Variants in MGAT5 observed in about 807,000 individuals in gnomAD.
MGAT5 encodes the protein alpha-1,6-mannosylglycoprotein 6-beta-N-acetylglucosaminyltransferase A.
A neutral mutation model predicts 94.3 loss-of-function variants in MGAT5; 30 were observed. The observed-to-expected ratio is 0.32, with a 90% CI of 0.24 to 0.43. MGAT5 has a LOEUF of 0.43. Among genes scored for constraint, MGAT5 ranks in the 20% least tolerant of loss-of-function variants. The pLI, the probability that MGAT5 is intolerant of heterozygous loss-of-function variation, is 1.00. For synonymous variants in MGAT5, 310 were observed against 322.9 expected (o/e 0.96, Z 0.43); for missense variants, 691 against 905.5 (o/e 0.76, Z 3.04).
chr2:134,252,613 T>C (rs1352599991), upstream of MGAT5, among the ~76,000 whole-genome samples: 1 of 152,210 alleles, frequency 6.6e-6, no homozygotes, highest in Non-Finnish European at 1.5e-5. Flanking sequence ...CTGGTGATGC[T>C]GCTGTTACTG....
chr2:134,141,943 G>C (rs1558953559), intron 1 of MGAT5, among the ~76,000 whole-genome samples: 1 of 152,196 alleles, frequency 6.6e-6, no homozygotes, highest in Non-Finnish European at 1.5e-5. Context: ...TTTTCAGATG[G>C]TCTGTTCTGC....
At chr2:134,242,005 C>G (rs1682000104) in intron 1 of MGAT5, among the ~76,000 whole-genome samples, 2 of 152,342 alleles carry the variant, frequency 1.3e-5, no homozygotes, top group South Asian at 2.1e-4. Flanking sequence ...TTGAAATACT[C>G]TTATGCAGAA....
chr2:134,146,515 G>A (rs1315143579), intron 1 of MGAT5, among the ~76,000 whole-genome samples: 1 of 151,740 alleles, frequency 6.6e-6, no homozygotes, highest in African/African-American at 2.4e-5. Context: ...AGCTATGATA[G>A]CACCACTGCA....
At chr2:134,223,026 A>C (rs1680868172) in intron 1 of MGAT5, among the ~76,000 whole-genome samples, 1 of 152,120 alleles carries the variant, frequency 6.6e-6, no homozygotes, top group Non-Finnish European at 1.5e-5. Context: ...TATCTTCACA[A>C]CTTATAATTG....
intron 1 of MGAT5, among the ~76,000 whole-genome samples, chr2:134,169,610 G>A (rs968517873): frequency 6.6e-6 from 1 of 152,126 alleles, no homozygotes; most frequent in African/African-American, 2.4e-5. Context: ...ATGCTGTGGT[G>A]GTATACAGCA....
At chr2:134,215,803 G>A (rs1440849119) in intron 1 of MGAT5, among the ~76,000 whole-genome samples, 1 of 152,176 alleles carries the variant, frequency 6.6e-6, no homozygotes, top group Admixed American at 6.5e-5. Context: ...CTAAGCAGTT[G>A]TATCAATATA....
At chr2:134,366,719 C>T (rs555725850) in intron 10 of MGAT5, among the ~76,000 whole-genome samples, 1 of 152,208 alleles carries the variant, frequency 6.6e-6, no homozygotes, top group Non-Finnish European at 1.5e-5. Flanking sequence ...GACTCTTTCT[C>T]ACAAGCATCC....
At chr2:134,371,925 TTTG>T (rs959881264) in intron 10 of MGAT5, among the ~76,000 whole-genome samples, 1 of 146,330 alleles carries the variant, frequency 6.8e-6, no homozygotes, top group Non-Finnish European at 1.5e-5. Flanking sequence ...TAGGTCTGTG[TTTG>T]TTGTTTTGTT....
rs1173053561 is a variant in MGAT5 at position 134,268,245 on chromosome 2, A to G, written c.242-2141A>G. Among the ~76,000 whole-genome samples, 2 of 152,232 alleles carry G rather than the reference A, an allele frequency of 1.3e-5. No homozygotes were observed. The highest frequency in any genetic ancestry group is 1.5e-5 in the Non-Finnish European group (1 of 68,036). ...TTGGCCAACTACAATTACCGGTGAT[A>G]GTTAAATGCTATTCTAGATTGTATT... On this transcript the variant is annotated intron_variant, in intron 1 of 15. Transcript: ENST00000281923. This position sits in a 1 kb window ranked among gnomAD's most constrained non-coding sequence, Gnocchi z 4.1.
At chr2:134,260,216 G>A (rs12612248) in intron 1 of MGAT5, among the ~76,000 whole-genome samples, 2,836 of 152,308 alleles carry the variant, frequency 0.019, 65 homozygotes, top group East Asian at 0.099. Context: ...CAATATGGAT[G>A]TTCTTATGCA....
At chr2:134,232,198 G>T (rs1681405372) in intron 1 of MGAT5, among the ~76,000 whole-genome samples, 1 of 152,108 alleles carries the variant, frequency 6.6e-6, no homozygotes, top group Non-Finnish European at 1.5e-5. Flanking sequence ...TGACTGGACT[G>T]CCACTACCCT....
chr2:134,191,857 G>A (rs541584518), intron 1 of MGAT5, among the ~76,000 whole-genome samples: 2 of 148,878 alleles, frequency 1.3e-5, no homozygotes, highest in African/African-American at 2.5e-5. Context: ...CCTCCTGCTC[G>A]CGCCAGCGGC....
chr2:134,183,684 C>T (rs77125795), intron 1 of MGAT5, among the ~76,000 whole-genome samples: 1 of 152,326 alleles, frequency 6.6e-6, no homozygotes, highest in East Asian at 1.9e-4. Context: ...TAATGTGGAA[C>T]TGTTAAATTC....
At position 134,248,881 on chromosome 2, in the gene MGAT5, T is replaced by A. The variant is rs1371155577; in HGVS notation, c.-142-5381T>A. Among the ~76,000 whole-genome samples, 3 of 152,142 alleles carry A rather than the reference T, an allele frequency of 2.0e-5. No homozygotes were observed. The East Asian group carries it at 5.8e-4, about 29-fold the overall frequency. ...TTGGATGGCCACCTGGAGGAACTGCTTCATTGGTCTCGTTCTCACTCCATT... is the reference window on the plus strand; with the variant it reads ...TTGGATGGCCACCTGGAGGAACTGCATCATTGGTCTCGTTCTCACTCCATT... On this transcript the variant is annotated intron_variant, in intron 1 of 16. Coordinates refer to the MGAT5 transcript ENST00000409645.
intron 1 of MGAT5, among the ~76,000 whole-genome samples, chr2:134,196,251 T>C (rs1679489498): frequency 6.6e-6 from 1 of 152,218 alleles, no homozygotes; most frequent in South Asian, 2.1e-4. Context: ...TGGATATGCC[T>C]GTGCTTGGGA....
At position 134,338,288 on chromosome 2, in the gene MGAT5, C is replaced by G. The variant is rs142313139; in HGVS notation, c.675C>G (p.Leu225=). 6.2e-7 allele frequency: 1 copy of G among 1,611,998 alleles called. No individual in the cohort carries two copies. Among genetic ancestry groups the G allele is most frequent in the Non-Finnish European group, 8.5e-7 (1 of 1,179,050 alleles). Residue 225 remains leucine, a synonymous_variant, in exon 6 of 16, where the codon CTC becomes CTG. Coordinates refer to ENST00000281923, the MANE Select transcript of MGAT5 (RefSeq NM_002410.5). The part of the protein sequence containing the change: ...LAEIRTDFNI[L]YSMMKKHEEF... ...AAATTCGTACAGATTTTAATATTCT[C>G]TACAGTATGATGAAAAAGCATGAAG...
chr2:134,266,612 A>G (rs1422652180), intron 1 of MGAT5, among the ~76,000 whole-genome samples: 1 of 152,248 alleles, frequency 6.6e-6, no homozygotes, highest in Non-Finnish European at 1.5e-5. Flanking sequence ...ATTGCCCGGA[A>G]AGGTATAATT....
At chr2:134,146,830 T>C (rs1686943997) in intron 1 of MGAT5, among the ~76,000 whole-genome samples, 1 of 152,186 alleles carries the variant, frequency 6.6e-6, no homozygotes, top group African/African-American at 2.4e-5. Flanking sequence ...TGCCATTCTC[T>C]TCTGCATTTC....
At chr2:134,330,602 T>C (rs1687913782) in intron 4 of MGAT5, among the ~76,000 whole-genome samples, 1 of 145,726 alleles carries the variant, frequency 6.9e-6, no homozygotes, top group African/African-American at 2.7e-5. Context: ...CCCAACATAT[T>C]CTAAGCCTTC....
Sources: gnomAD v4.1 joint callset for allele counts (sites outside exome capture counted in the v4.1 genomes callset) on GRCh38, gnomAD v4.1.1 for gene constraint, Gnocchi (gnomAD v3.1) non-coding constraint, MANE v1.5 for transcripts, NCBI Gene and HGNC (gene_info 2026-07-23, HGNC 2026-07-21) for gene names.